Variants in ADCK1 observed in about 807,000 individuals in gnomAD.
ADCK1 encodes the protein aarF domain-containing protein kinase 1.
ADCK1 carries 41 observed loss-of-function variants against 52.3 expected under a neutral mutation model. That is an observed-to-expected ratio of 0.78 (90% CI 0.61 to 1.02). The LOEUF (loss-of-function observed/expected upper bound fraction) is 1.02, where lower values mean the gene tolerates loss of function less well. ADCK1 is among the 50% of genes least tolerant of loss of function. The probability of loss-of-function intolerance (pLI) is 0.00; values close to 1 mark genes in which losing one functional copy is unlikely to be tolerated. For synonymous variants in ADCK1, 250 were observed against 274.6 expected, an observed-to-expected ratio of 0.91 and a Z score of 0.89; for missense variants, 658 against 679.5, an observed-to-expected ratio of 0.97 and a Z score of 0.35.
intron 3 of ADCK1, among the ~76,000 whole-genome samples, chr14:77,834,440 C>G (rs2081920287): frequency 6.6e-6 from 1 of 152,160 alleles, no homozygotes; most frequent in African/African-American, 2.4e-5. Context: ...CGATCTTTAC[C>G]CTGCTGTTTT....
At chr14:77,849,782 A>G (rs2082245937) in intron 3 of ADCK1, among the ~76,000 whole-genome samples, 2 of 152,116 alleles carry the variant, frequency 1.3e-5, no homozygotes, top group Admixed American at 6.6e-5. Flanking sequence ...AATTTTCCAG[A>G]GATTTCTTGG....
At chr14:77,931,888 A>G (rs56775459) in intron 10 of ADCK1, among the ~76,000 whole-genome samples, 177 bp downstream of exon 10, 12,908 of 152,242 alleles carry the variant, frequency 0.085, 603 homozygotes, top group Middle Eastern at 0.11. Flanking sequence ...TCTCAGCCCC[A>G]TCTAAGTATC....
At chr14:77,842,453 TTCCTTCCTTCCTTCCTTCCTTCC>T (rs1566657369) in intron 3 of ADCK1, among the ~76,000 whole-genome samples, 150 of 52,154 alleles carry the variant, frequency 2.9e-3, no homozygotes, top group Admixed American at 7.6e-3. Flanking sequence ...TTTTTTTTCC[TTCCTTCCTTCCTTCCTTCCTTCC>T]TTCCTTCCTT....
intron 3 of ADCK1, among the ~76,000 whole-genome samples, chr14:77,835,788 AC>A (rs2140074392): frequency 6.6e-6 from 1 of 152,272 alleles, no homozygotes; most frequent in Admixed American, 6.5e-5. Flanking sequence ...GGCTTGCACC[AC>A]CACACCTGGC....
intron 7 of ADCK1, chr14:77,914,646 G>A (rs2083875520): frequency 1.0e-6 from 1 of 955,196 alleles, no homozygotes; most frequent in African/African-American, 1.8e-5. Flanking sequence ...ATTGGCTGGT[G>A]CCCTTGGGTA....
At chr14:77,900,594 A>G in intron 6 of ADCK1, 1 of 455,958 alleles carries the variant, frequency 2.2e-6, no homozygotes, top group Non-Finnish European at 4.4e-6. Flanking sequence ...CTCAAGGAAC[A>G]ACAACAACAA....
chr14:77,883,178 A>G (rs1022870721), intron 4 of ADCK1, among the ~76,000 whole-genome samples: 3 of 152,032 alleles, frequency 2.0e-5, no homozygotes, highest in Non-Finnish European at 2.9e-5. Flanking sequence ...CAGTTGTTTT[A>G]CTTAACTGAT....
intron 5 of ADCK1, among the ~76,000 whole-genome samples, chr14:77,898,686 G>A (rs764985114): frequency 7.9e-5 from 12 of 152,158 alleles, no homozygotes; most frequent in Non-Finnish European, 1.5e-4. Flanking sequence ...AAGAGCTAAT[G>A]CATGCCAGGC....
intron 7 of ADCK1, chr14:77,914,531 G>A: frequency 1.0e-6 from 1 of 985,450 alleles, no homozygotes; most frequent in Non-Finnish European, 1.2e-6. Flanking sequence ...CAATAGAGGT[G>A]TGAGCAGAGT....
At chr14:77,811,362 C>T (rs1253388494) in intron 1 of ADCK1, among the ~76,000 whole-genome samples, 1 of 152,052 alleles carries the variant, frequency 6.6e-6, no homozygotes, top group Non-Finnish European at 1.5e-5. Flanking sequence ...TTGCTGTTAT[C>T]CCCTTTGTGT....
At chr14:77,900,703 G>T in intron 6 of ADCK1, 1 of 420,060 alleles carries the variant, frequency 2.4e-6, no homozygotes, top group South Asian at 1.8e-5. Flanking sequence ...TTCCAATGTG[G>T]CACGGCTCTG....
chr14:77,837,465 G>C (rs769341788), intron 3 of ADCK1, among the ~76,000 whole-genome samples: 3 of 152,158 alleles, frequency 2.0e-5, no homozygotes, highest in Non-Finnish European at 4.4e-5. Context: ...AATTATATCT[G>C]CAAAGACCCT....
rs934554768 is a variant in ADCK1, at chr14:77,923,482, T to C, written c.859-975T>C. 5.3e-5 allele frequency: 8 copies of C among 152,124 alleles called. No homozygotes were observed. Among genetic ancestry groups the C allele is most frequent in the East Asian group, 1.9e-4 (1 of 5,176 alleles). The allele number at this position is 152,124 out of a possible 1,614,324, so 9.4% of individuals were successfully genotyped here. ...TTGTAGGCTGGGGGAAAGAGGAGAATTTTTAAGATCCCAATCCTGTGTTCC... is the reference window on the plus strand; with the variant it reads ...TTGTAGGCTGGGGGAAAGAGGAGAACTTTTAAGATCCCAATCCTGTGTTCC... On this transcript the variant is annotated intron_variant, in intron 7 of 10. Transcript: ENST00000238561. This position sits in a 1 kb window ranked among gnomAD's most constrained non-coding sequence, Gnocchi z 4.3.
At chr14:77,882,909 C>T (rs2083060254) in intron 4 of ADCK1, among the ~76,000 whole-genome samples, 1 of 151,970 alleles carries the variant, frequency 6.6e-6, no homozygotes, top group Non-Finnish European at 1.5e-5. Flanking sequence ...ACTTAACTGC[C>T]CCAGATTTGT....
chr14:77,866,600 G>T (rs2082666832), intron 4 of ADCK1, among the ~76,000 whole-genome samples: 1 of 152,164 alleles, frequency 6.6e-6, no homozygotes, highest in Non-Finnish European at 1.5e-5. Flanking sequence ...ATGTGCTCTT[G>T]GTCTCCAGGC....
chr14:77,912,615 G>T (rs1304501785), intron 7 of ADCK1, among the ~76,000 whole-genome samples: 1 of 152,152 alleles, frequency 6.6e-6, no homozygotes, highest in Non-Finnish European at 1.5e-5. Flanking sequence ...ATTCCTTGGG[G>T]AGGGAGGTAC....
At chr14:77,852,953 T>G (rs1191079912) in intron 3 of ADCK1, among the ~76,000 whole-genome samples, 2 of 124,228 alleles carry the variant, frequency 1.6e-5, no homozygotes, top group African/African-American at 6.1e-5. Flanking sequence ...CTTGCTGTGT[T>G]GCCCAGGCTG....
At chr14:77,916,455 C>CTATT (rs564185178) in intron 7 of ADCK1, among the ~76,000 whole-genome samples, 1 of 152,192 alleles carries the variant, frequency 6.6e-6, no homozygotes, top group Admixed American at 6.5e-5. Flanking sequence ...TCTCTTCTTT[C>CTATT]TATTTATTTA....
chr14:77,868,389 T>C (rs2082706908), intron 4 of ADCK1, among the ~76,000 whole-genome samples: 1 of 152,232 alleles, frequency 6.6e-6, no homozygotes, highest in Admixed American at 6.5e-5. Context: ...GCAATCGGGC[T>C]GGGCTTGCTG....
Sources: allele counts gnomAD v4.1 joint callset (sites outside exome capture counted in the v4.1 genomes callset), GRCh38; gene constraint gnomAD v4.1.1; non-coding constraint Gnocchi (gnomAD v3.1); transcripts MANE v1.5; gene names NCBI Gene and HGNC (gene_info 2026-07-23, HGNC 2026-07-21).